The following TBCK variants were observed in gnomAD, a reference collection of about 807,000 sequenced individuals.
TBCK encodes the protein TBC1 domain containing kinase.
Under a neutral mutation model 113.4 loss-of-function variants are expected in TBCK, and 99 were observed. The observed-to-expected ratio is 0.87, with a 90% CI of 0.74 to 1.03. The LOEUF (loss-of-function observed/expected upper bound fraction) is 1.03. TBCK is among the 50% of genes least tolerant of loss of function. TBCK has a pLI of 0.00. For missense variants in TBCK, 1,045 were observed against 1,061.3 expected, an observed-to-expected ratio of 0.98 and a Z score of 0.21; for synonymous variants, 369 against 370.8, an observed-to-expected ratio of 1.00 and a Z score of 0.05.
rs199556336 is a variant in TBCK at position 106,159,501 on chromosome 4, GA to G, written c.2235+11593del. On this transcript the variant is annotated intron_variant, in intron 23 of 25. Transcript: ENST00000394708. The stretch of plus-strand genomic sequence containing the variant: ...TCTATATACTAACAATGAACAATCA[GA>G]AAAGGAATTAATGAAGACAATTTGA... Among the ~76,000 whole-genome samples, 288 of 151,980 alleles carry G rather than the reference GA, an allele frequency of 1.9e-3. 6 individuals are homozygous for G. The highest frequency in any genetic ancestry group is 0.013 in the East Asian group (67 of 5,158).
At chr4:106,287,349 T>C (rs528687763) in intron 3 of TBCK, among the ~76,000 whole-genome samples, 1 of 152,292 alleles carries the variant, frequency 6.6e-6, no homozygotes, top group Admixed American at 6.5e-5. Flanking sequence ...AGCATTAATA[T>C]TGATTTAGCA....
chr4:106,225,119 G>A (rs1758095325), intron 19 of TBCK, among the ~76,000 whole-genome samples: 1 of 152,084 alleles, frequency 6.6e-6, no homozygotes. Context: ...CACAGTGTCA[G>A]CACAGTTATA....
At chr4:106,239,115 G>C (rs1759797738) in intron 12 of TBCK, among the ~76,000 whole-genome samples, 1 of 152,070 alleles carries the variant, frequency 6.6e-6, no homozygotes, top group Admixed American at 6.6e-5. Flanking sequence ...TCTTCGGTCA[G>C]GTCTTAACTA....
chr4:106,233,522 C>G, intron 16 of TBCK, 66 bp downstream of exon 16: 1 of 1,296,532 alleles, frequency 7.7e-7, no homozygotes, highest in Non-Finnish European at 1.1e-6. Flanking sequence ...TTTCTTCATG[C>G]TCCTTCCTAA....
At chr4:106,192,131 C>G (rs922846870) in intron 22 of TBCK, among the ~76,000 whole-genome samples, 2 of 152,046 alleles carry the variant, frequency 1.3e-5, no homozygotes, top group African/African-American at 4.8e-5. Flanking sequence ...ATAAAATACA[C>G]AGTTGCATGA....
chr4:106,088,413 A>T (rs1463848534), intron 25 of TBCK, among the ~76,000 whole-genome samples: 2 of 152,236 alleles, frequency 1.3e-5, no homozygotes, highest in Non-Finnish European at 2.9e-5. Context: ...ATTTCACGCC[A>T]GTCAAAATGG....
intron 15 of TBCK, among the ~76,000 whole-genome samples, chr4:106,234,529 G>A (rs376196925): frequency 6.0e-4 from 92 of 152,130 alleles, no homozygotes; most frequent in African/African-American, 2.1e-3. Flanking sequence ...CTGCAGCCTC[G>A]AACTCCTGGG....
At position 106,171,114 on chromosome 4, in the gene TBCK, T is replaced by A; in HGVS notation, c.2216A>T (p.Asp739Val). The change falls in exon 23 of 26, where the codon GAT (aspartate) becomes GTT (valine). Residue 739 changes from aspartate to valine, a missense_variant. Asp to Val is a radical substitution (Grantham distance 152, BLOSUM62 -3). Coordinates refer to ENST00000394708, the MANE Select transcript of TBCK (RefSeq NM_001163435.3). ...SAPYFSAECP[D>V]PPKTDLSRES... ...ACATACCAGATCTGTCTTTGGAGGATCTGGACACTCAGCAGAGAAATAAGG... is the reference window on the plus strand; with the variant it reads ...ACATACCAGATCTGTCTTTGGAGGAACTGGACACTCAGCAGAGAAATAAGG... 6.2e-7 allele frequency: 1 copy of A among 1,609,846 alleles called. No individual in the cohort carries two copies. Among genetic ancestry groups the A allele is most frequent in the Non-Finnish European group, 8.5e-7 (1 of 1,178,616 alleles).
chr4:106,184,683 T>C (rs1282841732), intron 22 of TBCK, among the ~76,000 whole-genome samples: 2 of 152,020 alleles, frequency 1.3e-5, no homozygotes, highest in Non-Finnish European at 2.9e-5. Context: ...TCTTAGTTAA[T>C]GTCTAAGGAG....
intron 22 of TBCK, among the ~76,000 whole-genome samples, chr4:106,174,445 T>C (rs1210624621): frequency 6.6e-6 from 1 of 152,122 alleles, no homozygotes; most frequent in Non-Finnish European, 1.5e-5. Flanking sequence ...AGAGCTCCAA[T>C]GTCTGCTGCT....
intron 23 of TBCK, 143 bp from the exon 24 acceptor site, chr4:106,116,521 T>A: frequency 1.3e-6 from 1 of 745,268 alleles, no homozygotes; most frequent in Non-Finnish European, 2.1e-6. Flanking sequence ...TATTGTGTAA[T>A]TCAGTGGTCT....
At position 106,123,986 on chromosome 4, in the gene TBCK, A is replaced by C. The variant is rs560401482; in HGVS notation, c.2236-7608T>G. On this transcript the variant is annotated intron_variant, in intron 23 of 25. Transcript: ENST00000394708. Reference sequence around the variant, plus strand: ...ACACCAAAAGCAATGGCAACAAAAGACAAAATTGACAAACGGGATCTAATT... The same window carrying C: ...ACACCAAAAGCAATGGCAACAAAAGCCAAAATTGACAAACGGGATCTAATT... Among the ~76,000 whole-genome samples, 235 of 151,392 alleles carry C rather than the reference A, an allele frequency of 1.6e-3. 1 individual carries two copies. The highest frequency in any genetic ancestry group is 2.9e-3 in the Non-Finnish European group (196 of 67,842).
rs975440832 is a variant in TBCK, at chr4:106,118,132, C to T, written c.2236-1754G>A. On this transcript the variant is annotated intron_variant, in intron 23 of 25. Coordinates refer to ENST00000394708, the MANE Select transcript of TBCK (RefSeq NM_001163435.3). ...TCAAAATAGAGTCTAATAATTATCT[C>T]GTTTACTCATTTTCTCTTTTTTCTC... is the stretch of plus-strand genomic sequence containing the variant. Among the ~76,000 whole-genome samples, 6 of 151,890 alleles carry T rather than the reference C, an allele frequency of 4.0e-5. No homozygotes were observed. The South Asian group carries it at 1.2e-3, about 31-fold the overall frequency.
At chr4:106,083,553 C>T (rs752539667) in intron 25 of TBCK, among the ~76,000 whole-genome samples, 71 of 152,284 alleles carry the variant, frequency 4.7e-4, no homozygotes, top group Admixed American at 9.8e-4. Context: ...GTGGGTTTCC[C>T]CCCAGTGAAA....
At chr4:106,222,567 C>T (rs1319352910) in intron 19 of TBCK, among the ~76,000 whole-genome samples, 1 of 152,096 alleles carries the variant, frequency 6.6e-6, no homozygotes, top group African/African-American at 2.4e-5. Context: ...ATGTTTTCCT[C>T]AGCTCACACA....
chr4:106,125,713 G>A (rs2149602228), intron 23 of TBCK, among the ~76,000 whole-genome samples: 1 of 152,206 alleles, frequency 6.6e-6, no homozygotes, highest in Non-Finnish European at 1.5e-5. Context: ...GACAGGGTGG[G>A]TTTGGGACAT....
At chr4:106,118,780 A>G (rs189705527) in intron 23 of TBCK, among the ~76,000 whole-genome samples, 1 of 152,348 alleles carries the variant, frequency 6.6e-6, no homozygotes, top group East Asian at 1.9e-4. Context: ...TGGTTTAAAT[A>G]AAGATTTGAC....
At chr4:106,095,375 A>G (rs891924288) in intron 25 of TBCK, 107 bp downstream of exon 25, 8 of 1,007,108 alleles carry the variant, frequency 7.9e-6, no homozygotes, top group Non-Finnish European at 8.5e-6. Flanking sequence ...CAAAGCTCAT[A>G]GTATTTGTGA....
intron 23 of TBCK, among the ~76,000 whole-genome samples, chr4:106,162,966 A>T (rs1304160738): frequency 6.6e-6 from 1 of 152,094 alleles, no homozygotes; most frequent in Non-Finnish European, 1.5e-5. Context: ...TCCCCAGGAA[A>T]TGGGTTTTTC....
Sources: allele counts gnomAD v4.1 joint callset (sites outside exome capture counted in the v4.1 genomes callset), GRCh38; gene constraint gnomAD v4.1.1; transcripts MANE v1.5; gene names NCBI Gene and HGNC (gene_info 2026-07-23, HGNC 2026-07-21).